NPAS3: variants seen among roughly 807,000 people sequenced by gnomAD.
NPAS3 encodes the protein neuronal PAS domain protein 3.
Under a neutral mutation model 73.1 loss-of-function variants are expected in NPAS3, and 14 were observed. That is an observed-to-expected ratio of 0.19 (90% confidence interval 0.13 to 0.30). NPAS3 has a LOEUF of 0.30. Ranked by LOEUF, NPAS3 falls within the 10% of genes least tolerant of loss-of-function variation. The pLI is 1.00. For missense variants in NPAS3, 1,096 were observed against 1,250.0 expected (o/e 0.88, Z 1.86); for synonymous variants, 620 against 541.5 (o/e 1.14, Z -2.01).
At chr14:33,711,853 CAAGA>C (rs920648216) in intron 6 of NPAS3, among the ~76,000 whole-genome samples, 3 of 152,040 alleles carry the variant, frequency 2.0e-5, no homozygotes, top group Non-Finnish European at 2.9e-5. Flanking sequence ...TCCAAACCCC[CAAGA>C]AAGAGAGCAG....
chr14:33,592,506 G>A (rs1349142537), intron 5 of NPAS3, among the ~76,000 whole-genome samples: 1 of 152,204 alleles, frequency 6.6e-6, no homozygotes, highest in Non-Finnish European at 1.5e-5. Context: ...GGCTAAAGAA[G>A]AGGTGGGATT....
At chr14:33,431,980 A>AT (rs2048802919) in intron 4 of NPAS3, among the ~76,000 whole-genome samples, 1 of 152,226 alleles carries the variant, frequency 6.6e-6, no homozygotes, top group Admixed American at 6.5e-5. Flanking sequence ...CTCATATATA[A>AT]TATGGCATAT....
At chr14:33,754,038 T>C (rs182774083) in intron 7 of NPAS3, among the ~76,000 whole-genome samples, 26 of 152,108 alleles carry the variant, frequency 1.7e-4, no homozygotes, top group Non-Finnish European at 8.8e-5. Context: ...CTGAGCCTAT[T>C]AAGAAAATAA....
chr14:33,277,722 G>A (rs1223130468), intron 3 of NPAS3, among the ~76,000 whole-genome samples: 1 of 152,134 alleles, frequency 6.6e-6, no homozygotes, highest in Non-Finnish European at 1.5e-5. Flanking sequence ...GATGGAATCT[G>A]GGAAAGGCAA....
intron 2 of NPAS3, among the ~76,000 whole-genome samples, chr14:33,059,177 C>G (rs2040998606): frequency 6.6e-6 from 1 of 152,116 alleles, no homozygotes; most frequent in East Asian, 1.9e-4. Flanking sequence ...CATGTCATTG[C>G]TCATATTTGT....
chr14:33,345,295 G>C (rs1035076693), intron 3 of NPAS3, among the ~76,000 whole-genome samples: 2 of 152,206 alleles, frequency 1.3e-5, no homozygotes, highest in African/African-American at 4.8e-5. Flanking sequence ...AATGTGAGAG[G>C]CAAGGGGATG....
At chr14:33,233,014 A>G (rs1250738895) in intron 3 of NPAS3, among the ~76,000 whole-genome samples, 2 of 152,182 alleles carry the variant, frequency 1.3e-5, no homozygotes, top group Non-Finnish European at 2.9e-5. Flanking sequence ...CTTATATGCT[A>G]TGGATCTCTC....
intron 4 of NPAS3, among the ~76,000 whole-genome samples, chr14:33,555,374 G>A (rs747002661): frequency 2.0e-5 from 3 of 152,038 alleles, no homozygotes; most frequent in Non-Finnish European, 4.4e-5. Context: ...ATTCTACATA[G>A]TGAGTAAGAA....
chr14:33,291,199 G>A (rs1162736226), intron 3 of NPAS3, among the ~76,000 whole-genome samples: 3 of 152,122 alleles, frequency 2.0e-5, no homozygotes, highest in Non-Finnish European at 4.4e-5. Context: ...CAGTTCTAGA[G>A]CTTAAAAGTA....
At chr14:33,305,631 A>G (rs1042936463) in intron 3 of NPAS3, among the ~76,000 whole-genome samples, 5 of 152,170 alleles carry the variant, frequency 3.3e-5, no homozygotes, top group African/African-American at 1.2e-4. Flanking sequence ...GTAATTGGAA[A>G]TGAAGACATT....
intron 4 of NPAS3, among the ~76,000 whole-genome samples, chr14:33,373,919 G>T (rs2046206465): frequency 6.6e-6 from 1 of 152,152 alleles, no homozygotes; most frequent in Non-Finnish European, 1.5e-5. Flanking sequence ...AGGTACGATG[G>T]TTGTATGATT....
chr14:33,000,928 G>A (rs998968902), intron 1 of NPAS3, among the ~76,000 whole-genome samples: 1 of 152,216 alleles, frequency 6.6e-6, no homozygotes, highest in African/African-American at 2.4e-5. Context: ...GGAGCAGGCA[G>A]GCTATTGTAG....
chr14:33,426,822 C>A (rs1362395657), intron 4 of NPAS3, among the ~76,000 whole-genome samples: 1 of 152,022 alleles, frequency 6.6e-6, no homozygotes, highest in African/African-American at 2.4e-5. Flanking sequence ...CCTCCTCTCA[C>A]TTTATCATGG....
chr14:33,430,393 G>C (rs2048733755), intron 4 of NPAS3, among the ~76,000 whole-genome samples: 1 of 152,104 alleles, frequency 6.6e-6, no homozygotes, highest in Admixed American at 6.6e-5. Context: ...GATCACACTG[G>C]CTCTCCTTGG....
intron 7 of NPAS3, among the ~76,000 whole-genome samples, chr14:33,742,567 G>GT (rs1169440231): frequency 1.3e-5 from 2 of 152,198 alleles, no homozygotes; most frequent in Non-Finnish European, 2.9e-5. Context: ...GTTTTTGCTG[G>GT]TAGAGGGTCT....
intron 4 of NPAS3, among the ~76,000 whole-genome samples, chr14:33,511,577 G>A (rs557132185): frequency 7.9e-5 from 12 of 152,184 alleles, no homozygotes; most frequent in African/African-American, 2.4e-4. Context: ...TTGGTGGTTA[G>A]ATAGATGACA....
At chr14:33,128,445 T>C (rs971098644) in intron 2 of NPAS3, among the ~76,000 whole-genome samples, 6 of 152,188 alleles carry the variant, frequency 3.9e-5, no homozygotes, top group Non-Finnish European at 7.4e-5. Context: ...TAGGGTGTTA[T>C]GAATGAGTTA....
At chr14:33,479,734 A>T (rs1340820440) in intron 4 of NPAS3, among the ~76,000 whole-genome samples, 1 of 150,160 alleles carries the variant, frequency 6.7e-6, no homozygotes, top group African/African-American at 2.5e-5. Context: ...TTTGTGCAAA[A>T]CTCCTCTTGT....
At chr14:32,951,716 A>G (rs1269310530) in intron 1 of NPAS3, among the ~76,000 whole-genome samples, 1 of 152,154 alleles carries the variant, frequency 6.6e-6, no homozygotes. Flanking sequence ...GCAACTGCTT[A>G]AGGGAATAAC....
Sources: gnomAD v4.1 joint callset for allele counts (sites outside exome capture counted in the v4.1 genomes callset) on GRCh38, gnomAD v4.1.1 for gene constraint, MANE v1.5 for transcripts, NCBI Gene and HGNC (gene_info 2026-07-23, HGNC 2026-07-21) for gene names.